LRRC75A: variants seen among roughly 807,000 people sequenced by gnomAD.
LRRC75A encodes the protein leucine-rich repeat-containing protein 75A.
In LRRC75A, 12 loss-of-function variants were observed where a neutral mutation model predicts 26.0. The ratio of observed to expected loss-of-function variants is 0.46; its 90% CI spans 0.30 to 0.75. The LOEUF (loss-of-function observed/expected upper bound fraction) is 0.75, where lower values mean the gene tolerates loss of function less well. Among genes scored for constraint, LRRC75A ranks in the 30% least tolerant of loss-of-function variants. The pLI, the probability that LRRC75A is intolerant of heterozygous loss-of-function variation, is 0.08. For synonymous variants in LRRC75A, 223 were observed against 219.3 expected, an observed-to-expected ratio of 1.02 and a Z score of -0.15; for missense variants, 410 against 486.6, an observed-to-expected ratio of 0.84 and a Z score of 1.48.
At position 16,491,026 on chromosome 17, in the gene LRRC75A, C is replaced by T. The variant is rs944504788; in HGVS notation, c.246+719G>A. Among the ~76,000 whole-genome samples the T allele has an allele frequency of 2.6e-5, 4 of 152,256 alleles. No individual in the cohort carries two copies. The highest frequency in any genetic ancestry group is 5.9e-5 in the Non-Finnish European group (4 of 68,040). ...CAAAGCAGAGGGAACTGGCCAATTC[C>T]GCAACATCTGTCCCTAGCCAGTGGG... On this transcript the variant is annotated intron_variant, in intron 1 of 3. Transcript: ENST00000470794. The surrounding 1 kb of genome is among the most constrained non-coding windows in gnomAD (Gnocchi z 5.9).
chr17:16,456,388 A>AAGAAGGAAAAGGAGGAAGAGGAGG (rs2093684701), intron 2 of LRRC75A, among the ~76,000 whole-genome samples: 1 of 111,502 alleles, frequency 9.0e-6, no homozygotes, highest in Non-Finnish European at 1.9e-5. Context: ...GGAGGAAGAG[A>AAGAAGGAAAAGGAGGAAGAGGAGG]AGAAGGAAAA....
intron 1 of LRRC75A, among the ~76,000 whole-genome samples, chr17:16,475,958 C>G (rs911128763): frequency 6.6e-6 from 1 of 151,726 alleles, no homozygotes; most frequent in Admixed American, 6.6e-5. Context: ...TTTGGGAGAC[C>G]GAGGTGGGTG....
intron 1 of LRRC75A, among the ~76,000 whole-genome samples, chr17:16,467,713 G>A (rs2093780256): frequency 6.6e-6 from 1 of 152,154 alleles, no homozygotes; most frequent in African/African-American, 2.4e-5. Flanking sequence ...TGCTTGTTCG[G>A]CCCTGGCGCC....
At chr17:16,476,415 T>C (rs2093819774) in intron 1 of LRRC75A, among the ~76,000 whole-genome samples, 1 of 151,944 alleles carries the variant, frequency 6.6e-6, no homozygotes, top group Admixed American at 6.6e-5. Flanking sequence ...CTTGCTTTGT[T>C]TGCCTAGGCT....
intron 1 of LRRC75A, among the ~76,000 whole-genome samples, chr17:16,464,717 G>C (rs1032720640): frequency 6.6e-6 from 1 of 152,230 alleles, no homozygotes; most frequent in African/African-American, 2.4e-5. Context: ...GGGGACCTGA[G>C]CACACAGAGT....
At chr17:16,481,160 T>C (rs1332315910) in intron 1 of LRRC75A, among the ~76,000 whole-genome samples, 1 of 152,206 alleles carries the variant, frequency 6.6e-6, no homozygotes, top group African/African-American at 2.4e-5. Context: ...CAGCGCTGCC[T>C]GTCCTCTGAT....
At position 16,491,457 on chromosome 17, in the gene LRRC75A, G is replaced by C. The variant is rs2093856963; in HGVS notation, c.246+288C>G. On this transcript the variant is annotated intron_variant, in intron 1 of 3. Transcript: ENST00000470794. This position sits in a 1 kb window ranked among gnomAD's most constrained non-coding sequence, Gnocchi z 5.9. Reference sequence around the variant, plus strand: ...TCCCCGCCCACCGACTGTCCCCGGAGACCAGCCTCCTTCTCTGCCTGCGGA... The same window carrying C: ...TCCCCGCCCACCGACTGTCCCCGGACACCAGCCTCCTTCTCTGCCTGCGGA... 6.6e-6 allele frequency among the ~76,000 whole-genome samples: 1 copy of C among 152,228 alleles called. No homozygotes were observed. The highest frequency in any genetic ancestry group is 1.9e-4 in the East Asian group (1 of 5,178).
chr17:16,491,696 G>T lies in LRRC75A; in HGVS notation c.246+49C>A. 6 of 1,178,640 alleles carry T rather than the reference G, an allele frequency of 5.1e-6. No homozygotes were observed. The highest frequency in any genetic ancestry group is 6.5e-6 in the Non-Finnish European group (6 of 928,804). The allele number at this position is 1,178,640 out of a possible 1,614,324, so 73.0% of individuals were successfully genotyped here. ...GGGATGGGGCGCCCCCCCCGGCCCA[G>T]CACGCCCCCTGGCCCGGCGCGCCCC... is the stretch of plus-strand genomic sequence containing the variant. On this transcript the variant is annotated intron_variant, in intron 1 of 3. Coordinates refer to ENST00000470794, the MANE Select transcript of LRRC75A (RefSeq NM_001113567.3). The surrounding 1 kb of genome is among the most constrained non-coding windows in gnomAD (Gnocchi z 5.9).
chr17:16,485,631 AGTGTGTGTGTGT>A (rs35125617), intron 1 of LRRC75A, among the ~76,000 whole-genome samples: 2 of 128,402 alleles, frequency 1.6e-5, no homozygotes, highest in Admixed American at 7.5e-5. Context: ...CAGGACAAGC[AGTGTGTGTGTGT>A]GTGTGTGTGT....
intron 2 of LRRC75A, among the ~76,000 whole-genome samples, chr17:16,455,677 A>G (rs1407118093): frequency 6.6e-6 from 1 of 152,138 alleles, no homozygotes; most frequent in African/African-American, 2.4e-5. Context: ...ATACCTTACT[A>G]CAACCCTATG....
At chr17:16,470,022 C>G (rs16959740) in intron 1 of LRRC75A, among the ~76,000 whole-genome samples, 4,737 of 152,244 alleles carry the variant, frequency 0.031, 231 homozygotes, top group African/African-American at 0.11. Context: ...AGGAAGGCTG[C>G]ATTGTGTCTT....
In LRRC75A at chr17:16,491,768, T is replaced by C; in HGVS notation, c.223A>G (p.Thr75Ala). Residue 75 changes from threonine to alanine, a missense_variant, in exon 1 of 4, where the codon ACG becomes GCG. Thr to Ala is a moderately conservative substitution (Grantham distance 58). Transcript: ENST00000470794. The surrounding 1 kb of genome is among the most constrained non-coding windows in gnomAD (Gnocchi z 5.9). ...ACCTGGCGCAGGTGCTGCAGCAGCG[T>C]CCCCGCCTCCTCCCGCCGGCCCTGG... ...VRQGRREEAG[T>A]LLQHLRQDLG... The C allele has an allele frequency of 7.0e-7, 1 of 1,424,768 alleles. No homozygotes were observed. The highest frequency in any genetic ancestry group is 9.2e-7 in the Non-Finnish European group (1 of 1,089,774). 88.3% of individuals were successfully genotyped at this position (1,424,768 alleles called of 1,614,324 possible).
chr17:16,441,728 A>ATT lies in LRRC75A; in HGVS notation c.*1858_*1859dup. ...ACAGCTCACAGCACACCTGGCTAAA[A>ATT]TTTTTTTTTTGTTGAGACGGATTCT... On this transcript the variant is annotated 3_prime_UTR_variant, in exon 4 of 4. Coordinates refer to ENST00000470794, the MANE Select transcript of LRRC75A (RefSeq NM_001113567.3). 11 of 214,372 alleles carry ATT rather than the reference A, an allele frequency of 5.1e-5. No homozygotes were observed. The highest frequency in any genetic ancestry group is 1.3e-4 in the East Asian group (1 of 7,938). 13.3% of individuals were successfully genotyped at this position (214,372 alleles called of 1,614,324 possible).
At chr17:16,447,677 C>G (rs1271362763) in intron 3 of LRRC75A, among the ~76,000 whole-genome samples, 168 bp downstream of exon 3, 1 of 152,226 alleles carries the variant, frequency 6.6e-6, no homozygotes, top group East Asian at 1.9e-4. Context: ...CAGGGTCCCC[C>G]TCTAGATGTT....
intron 1 of LRRC75A, among the ~76,000 whole-genome samples, chr17:16,474,403 C>T (rs951170014): frequency 2.0e-5 from 3 of 152,178 alleles, no homozygotes; most frequent in East Asian, 1.9e-4. Flanking sequence ...TTTATGACTC[C>T]GAAAGGGTGG....
chr17:16,461,597 A>G (rs1459093251), intron 2 of LRRC75A, among the ~76,000 whole-genome samples: 2 of 152,232 alleles, frequency 1.3e-5, no homozygotes, highest in Non-Finnish European at 2.9e-5. Context: ...CCGAGCTCCC[A>G]GGGCCAGTAG....
chr17:16,457,806 GAAA>G (rs35875846), intron 2 of LRRC75A, among the ~76,000 whole-genome samples: 1 of 148,218 alleles, frequency 6.7e-6, no homozygotes, highest in Non-Finnish European at 1.5e-5. Context: ...GTCTCTACAA[GAAA>G]AAAAAAAACA....
At chr17:16,475,607 G>A (rs1342909174) in intron 1 of LRRC75A, among the ~76,000 whole-genome samples, 2 of 152,278 alleles carry the variant, frequency 1.3e-5, no homozygotes, top group East Asian at 1.9e-4. Flanking sequence ...GCTACAGTGT[G>A]GTGGTGTGAT....
Position 16,443,837 on chromosome 17 carries a change from A to G in LRRC75A, c.786T>C (p.Asn262=). 6.2e-7 allele frequency: 1 copy of G among 1,614,002 alleles called. No individual in the cohort carries two copies. The highest frequency in any genetic ancestry group is 1.7e-5 in the Admixed American group (1 of 60,024). The change falls in exon 4 of 4, where the codon AAT becomes AAC. Residue 262 remains asparagine, a synonymous_variant. Coordinates refer to ENST00000470794, the MANE Select transcript of LRRC75A (RefSeq NM_001113567.3). The part of the protein sequence containing the change: ...DILKDPSKFP[N]VTWIDLGNNV... ...TGTTGCCCAGGTCAATCCACGTGAC[A>G]TTGGGGAACTTGCTGGGATCCTTAA...
Sources: allele counts gnomAD v4.1 joint callset (sites outside exome capture counted in the v4.1 genomes callset), GRCh38; gene constraint gnomAD v4.1.1; non-coding constraint Gnocchi (gnomAD v3.1); transcripts MANE v1.5; gene names NCBI Gene and HGNC (gene_info 2026-07-23, HGNC 2026-07-21).